Variants in HOXB3 observed in about 807,000 individuals in gnomAD.
HOXB3 encodes homeobox protein Hox-B3.
In HOXB3, 17 loss-of-function variants were observed where a neutral mutation model predicts 29.2. The ratio of observed to expected loss-of-function variants is 0.58; its 90% confidence interval spans 0.40 to 0.87. The LOEUF is 0.87. HOXB3 is among the 40% of genes least tolerant of loss of function. The probability of loss-of-function intolerance (pLI) is 0.00; values close to 1 mark genes in which losing one functional copy is unlikely to be tolerated. For synonymous variants in HOXB3, 317 were observed against 285.9 expected (o/e 1.11, Z -1.10); for missense variants, 637 against 616.3 (o/e 1.03, Z -0.35).
chr17:48,570,349 A>C (rs2069545314), intron 2 of HOXB3, among the ~76,000 whole-genome samples: 1 of 152,192 alleles, frequency 6.6e-6, no homozygotes, highest in Non-Finnish European at 1.5e-5. Flanking sequence ...TGCAACTAGA[A>C]TCAGAGTTCT....
chr17:48,558,767 CT>C (rs1357211464), intron 2 of HOXB3, among the ~76,000 whole-genome samples: 2 of 151,966 alleles, frequency 1.3e-5, no homozygotes, highest in African/African-American at 4.8e-5. Context: ...TGAGGGAAGA[CT>C]TTGGGGTCTG....
Position 48,550,228 on chromosome 17 carries a change from G to C in HOXB3, c.*106C>G. 6.8e-7 allele frequency: 1 copy of C among 1,480,760 alleles called. No homozygotes were observed. Among genetic ancestry groups the C allele is most frequent in the Non-Finnish European group, 9.1e-7 (1 of 1,093,828 alleles). 91.7% of individuals were successfully genotyped at this position (1,480,760 alleles called of 1,614,324 possible). A position where few individuals can be genotyped will look rare whatever the true frequency, so the allele number is the denominator to read the frequency against. On this transcript the variant is annotated 3_prime_UTR_variant, in exon 5 of 5. Transcript: ENST00000498678. ...AGGCCGGTTCTGACCAGGAAGCCTG[G>C]GTACCACCTTCTCTGGCTCCTCTTT...
intron 2 of HOXB3, chr17:48,560,267 G>A (rs1404532280): frequency 6.6e-6 from 1 of 152,272 alleles, no homozygotes; most frequent in African/African-American, 2.4e-5. Context: ...CTCTCCCAGT[G>A]ACCTCTGTTT....
intron 1 of HOXB3, chr17:48,575,110 G>A (rs1251776773): frequency 6.6e-6 from 1 of 152,224 alleles, no homozygotes; most frequent in Non-Finnish European, 1.5e-5. Flanking sequence ...TAACCAAAGA[G>A]CCTTCTGTCT....
intron 3 of HOXB3, 188 bp downstream of exon 3, chr17:48,555,335 GGAGAGAGA>G (rs763845981): frequency 5.9e-5 from 28 of 470,748 alleles, no homozygotes; most frequent in African/African-American, 1.7e-4. Flanking sequence ...AGAGAGAGAG[GGAGAGAGA>G]GAGAGAGAGA....
intron 1 of HOXB3, among the ~76,000 whole-genome samples, chr17:48,586,290 A>G (rs979391199): frequency 1.1e-4 from 16 of 152,236 alleles, no homozygotes; most frequent in African/African-American, 3.9e-4. Context: ...GGGATCCGAC[A>G]GGTTCCCGAA....
chr17:48,555,927 T>C (rs1026423063), intron 2 of HOXB3, among the ~76,000 whole-genome samples: 2 of 151,948 alleles, frequency 1.3e-5, no homozygotes, highest in African/African-American at 4.8e-5. Context: ...TACGCCCTAC[T>C]CTCCGTAACA....
chr17:48,550,221 A>C lies in HOXB3; in HGVS notation c.*113T>G, dbSNP rs563553916. 1.4e-6 allele frequency: 2 copies of C among 1,435,708 alleles called. No homozygotes were observed. The highest frequency in any genetic ancestry group is 1.3e-5 in the South Asian group (1 of 75,970). 88.9% of individuals were successfully genotyped at this position (1,435,708 alleles called of 1,614,324 possible). A position where few individuals can be genotyped will look rare whatever the true frequency, so the allele number is the denominator to read the frequency against. ...GAGCTCCAGGCCGGTTCTGACCAGG[A>C]AGCCTGGGTACCACCTTCTCTGGCT... On this transcript the variant is annotated 3_prime_UTR_variant, in exon 5 of 5. Transcript: ENST00000498678.
intron 1 of HOXB3, among the ~76,000 whole-genome samples, chr17:48,586,184 G>T (rs1034170501): frequency 6.6e-6 from 1 of 152,196 alleles, no homozygotes; most frequent in African/African-American, 2.4e-5. Context: ...AACTTTAGGG[G>T]GAGAAGAGAC....
rs763038288 is a variant in HOXB3 at position 48,552,103 on chromosome 17, G to C, written c.372C>G (p.Thr124=). The change falls in exon 4 of 5, where the codon ACC becomes ACG. Residue 124 remains threonine (T), a synonymous_variant. Transcript: ENST00000498678. The stretch of plus-strand genomic sequence containing the variant: ...TCCAGGGGAATATCTGTTTGGTGAG[G>C]GTGGAGTTGGTGCCGGGACCGCACT... ...PPKCGPGTNS[T]LTKQIFPWMK... The C allele has an allele frequency of 6.2e-7, 1 of 1,613,474 alleles. No homozygotes were observed. Among genetic ancestry groups the C allele is most frequent in the East Asian group, 2.2e-5 (1 of 44,866 alleles).
At chr17:48,568,184 T>C (rs192701167) in intron 2 of HOXB3, among the ~76,000 whole-genome samples, 2 of 152,286 alleles carry the variant, frequency 1.3e-5, no homozygotes, top group African/African-American at 2.4e-5. Flanking sequence ...GGTTTGTTCA[T>C]CCAGGGCTGG....
intron 3 of HOXB3, chr17:48,553,703 A>C (rs891298893): frequency 1.7e-4 from 5 of 30,072 alleles, no homozygotes; most frequent in Admixed American, 1.0e-3. Context: ...TCCCTGAGGC[A>C]AAAAAAAAAA....
chr17:48,575,678 GTAA>G (rs1287239305), intron 1 of HOXB3: 3 of 151,676 alleles, frequency 2.0e-5, no homozygotes, highest in Non-Finnish European at 2.9e-5. Context: ...CAAAAAAATA[GTAA>G]TAATAATATT....
chr17:48,578,361 C>G (rs1173305350), intron 1 of HOXB3: 1 of 1,584,718 alleles, frequency 6.3e-7, no homozygotes, highest in African/African-American at 1.4e-5. Context: ...AAAATTTATT[C>G]CGACCCCTGA....
At chr17:48,583,841 C>T (rs1231986813) in intron 1 of HOXB3, among the ~76,000 whole-genome samples, 1 of 152,194 alleles carries the variant, frequency 6.6e-6, no homozygotes, top group Non-Finnish European at 1.5e-5. Context: ...AAATAGGGAC[C>T]TTCACCCAAT....
At position 48,554,778 on chromosome 17, in the gene HOXB3, C is replaced by G. The variant is rs1288001875; in HGVS notation, c.-159+753G>C. 1.4e-6 allele frequency: 1 copy of G among 702,358 alleles called. No individual in the cohort carries two copies. The highest frequency in any genetic ancestry group is 1.7e-5 in the African/African-American group (1 of 57,362). The allele number at this position is 702,358 out of a possible 1,614,324, so 43.5% of individuals were successfully genotyped here. A position where few individuals can be genotyped will look rare whatever the true frequency, so the allele number is the denominator to read the frequency against. On this transcript the variant is annotated intron_variant, in intron 3 of 4. Transcript: ENST00000498678. This position sits in a 1 kb window ranked among gnomAD's most constrained non-coding sequence, Gnocchi z 4.1. ...AGCTGGAGGTAACCGAATTAAAAGG[C>G]GCCTTAGAAACTCCGCTTCGGGACT...
At position 48,552,545 on chromosome 17, in the gene HOXB3, A is replaced by ACC; in HGVS notation, c.-73_-72dup. The ACC allele has an allele frequency of 2.5e-6, 3 of 1,184,396 alleles. No homozygotes were observed. The highest frequency in any genetic ancestry group is 3.5e-6 in the Non-Finnish European group (3 of 862,174). 73.4% of individuals were successfully genotyped at this position (1,184,396 alleles called of 1,614,324 possible). On this transcript the variant is annotated 5_prime_UTR_variant, in exon 4 of 5. An upstream open reading frame in the 5' UTR gains an earlier in-frame stop. Coordinates refer to ENST00000498678, the MANE Select transcript of HOXB3 (RefSeq NM_001384749.1). Reference sequence around the variant, plus strand: ...ATACCCTCAGGACCGGACATTGGCAACCCTGGGGGTCACGTGACACGCCGG... The same window carrying ACC: ...ATACCCTCAGGACCGGACATTGGCAACCCCCTGGGGGTCACGTGACACGCCGG...
At chr17:48,556,232 G>A (rs1597820956) in intron 2 of HOXB3, among the ~76,000 whole-genome samples, 2 of 151,826 alleles carry the variant, frequency 1.3e-5, no homozygotes, top group Non-Finnish European at 2.9e-5. Flanking sequence ...AAGGAAGGGC[G>A]GTGAAGTTCA....
intron 1 of HOXB3, chr17:48,580,093 T>C (rs1289448413): frequency 2.8e-6 from 1 of 357,146 alleles, no homozygotes; most frequent in Non-Finnish European, 5.5e-6. Flanking sequence ...TTCTTGGGAT[T>C]ACAAGGTTTT....
Sources: allele counts gnomAD v4.1 joint callset (sites outside exome capture counted in the v4.1 genomes callset), GRCh38; gene constraint gnomAD v4.1.1; non-coding constraint Gnocchi (gnomAD v3.1); transcripts MANE v1.5; gene names NCBI Gene and HGNC (gene_info 2026-07-23, HGNC 2026-07-21).